The following RASGRF1 variants were observed in gnomAD, a reference collection of about 807,000 sequenced individuals.
The protein encoded by RASGRF1 is ras-specific guanine nucleotide-releasing factor 1.
Under a neutral mutation model 138.7 loss-of-function variants are expected in RASGRF1, and 40 were observed. The ratio of observed to expected loss-of-function variants is 0.29; its 90% CI spans 0.22 to 0.38. The LOEUF is 0.38. Ranked by LOEUF, RASGRF1 falls within the 10% of genes least tolerant of loss-of-function variation. The pLI is 1.00. For missense variants in RASGRF1, 1,108 were observed against 1,650.4 expected (o/e 0.67, Z 5.69); for synonymous variants, 614 against 663.2 (o/e 0.93, Z 1.14).
At chr15:79,080,425 G>A (rs976102238) in intron 1 of RASGRF1, among the ~76,000 whole-genome samples, 1 of 152,224 alleles carries the variant, frequency 6.6e-6, no homozygotes, top group Non-Finnish European at 1.5e-5. Context: ...AACACTACAT[G>A]TGAACAGGTT....
intron 10 of RASGRF1, among the ~76,000 whole-genome samples, chr15:79,021,044 A>G (rs2056953921): frequency 6.6e-6 from 1 of 152,208 alleles, no homozygotes; most frequent in African/African-American, 2.4e-5. Context: ...GCCAACAGCC[A>G]TGGAGGCATA....
chr15:78,968,163 C>T (rs1272631363), intron 26 of RASGRF1, among the ~76,000 whole-genome samples: 3 of 152,036 alleles, frequency 2.0e-5, no homozygotes, highest in South Asian at 2.1e-4. Flanking sequence ...GTAGCCTCCT[C>T]CCTCTGCCTC....
At chr15:79,043,505 A>C (rs948785684) in intron 5 of RASGRF1, among the ~76,000 whole-genome samples, 1 of 152,182 alleles carries the variant, frequency 6.6e-6, no homozygotes, top group Admixed American at 6.5e-5. Flanking sequence ...AGAGGCAGGT[A>C]CCATTCCTGG....
intron 1 of RASGRF1, among the ~76,000 whole-genome samples, chr15:79,064,917 T>C (rs563752039): frequency 3.9e-5 from 6 of 152,256 alleles, no homozygotes; most frequent in African/African-American, 1.4e-4. Flanking sequence ...TCCACAAAAA[T>C]GGAATAAGTG....
chr15:78,997,499 G>T (rs141372059), intron 19 of RASGRF1, among the ~76,000 whole-genome samples: 1 of 152,124 alleles, frequency 6.6e-6, no homozygotes, highest in African/African-American at 2.4e-5. Context: ...TTGGGAGGCC[G>T]AGGTGGGCAG....
rs560504119 is a variant in RASGRF1, at chr15:79,004,180, G to C, written c.2076-5C>G. 8.4e-6 allele frequency: 13 copies of C among 1,553,846 alleles called. No homozygotes were observed. Among genetic ancestry groups the C allele is most frequent in the East Asian group, 2.3e-5 (1 of 44,240 alleles). On this transcript the variant is annotated splice_polypyrimidine_tract_variant and splice_region_variant and intron_variant, in intron 14 of 26. Coordinates refer to ENST00000558480, the MANE Select transcript of RASGRF1 (RefSeq NM_001145648.3). ...GCAAACAGGAGCTCCAGCGACCTGT[G>C]GGGAGGGCGGGGGTGAAAATGACAG... is the stretch of plus-strand genomic sequence containing the variant.
At chr15:78,978,215 C>CTTTTCTTTTCTTTTTTTTTT (rs2055915117) in intron 24 of RASGRF1, among the ~76,000 whole-genome samples, 4 of 79,344 alleles carry the variant, frequency 5.0e-5, no homozygotes, top group African/African-American at 1.0e-4. Context: ...TTTTTCTTTT[C>CTTTTCTTTTCTTTTTTTTTT]TTTTGTTTTT....
chr15:79,051,445 G>C (rs116119871), intron 3 of RASGRF1, among the ~76,000 whole-genome samples: 2,155 of 149,722 alleles, frequency 0.014, 61 homozygotes, highest in African/African-American at 0.051. Context: ...ACTCTAAAGG[G>C]CTAAGGAACA....
intron 24 of RASGRF1, among the ~76,000 whole-genome samples, chr15:78,977,713 A>C (rs1394908605): frequency 6.6e-6 from 1 of 152,232 alleles, no homozygotes; most frequent in Admixed American, 6.5e-5. Flanking sequence ...AAAGGCTTTC[A>C]CTGCAGCAGC....
intron 3 of RASGRF1, among the ~76,000 whole-genome samples, chr15:79,054,931 A>G (rs2057490324): frequency 6.6e-6 from 1 of 152,152 alleles, no homozygotes; most frequent in African/African-American, 2.4e-5. Context: ...AATATGTGGG[A>G]TGGGGCCTGA....
intron 1 of RASGRF1, among the ~76,000 whole-genome samples, chr15:79,078,603 C>T (rs925849578): frequency 2.6e-5 from 4 of 152,194 alleles, no homozygotes; most frequent in Non-Finnish European, 4.4e-5. Context: ...AAGAACTCAT[C>T]CACCCTGACT....
In RASGRF1 at chr15:78,998,816, G is replaced by A. The variant is rs2056451473; in HGVS notation, c.2756C>T (p.Pro919Leu). Residue 919 changes from proline (P) to leucine (L), a missense_variant, in exon 18 of 27, where the codon CCA becomes CTA. By Grantham distance (98) the Pro-to-Leu change is moderately conservative. This residue lies in a region of RASGRF1 where 686 missense variants were observed against 976.7 expected (regional missense o/e 0.70). Coordinates refer to ENST00000558480, the MANE Select transcript of RASGRF1 (RefSeq NM_001145648.3). ...RMSLASAGFP[P>L]DQRNGDKEFV... is the part of the protein sequence containing the mutation. The stretch of plus-strand genomic sequence containing the variant: ...CTCCTTGTCTCCATTCCTCTGGTCT[G>A]GGGGAAACCCTGGCAGCATGCGTGG... 6.2e-7 allele frequency: 1 copy of A among 1,613,310 alleles called. No homozygotes were observed. The highest frequency in any genetic ancestry group is 1.3e-5 in the African/African-American group (1 of 74,926).
rs1159697656 is a variant in RASGRF1, at chr15:79,027,421, T to C, written c.1381+320A>G. The stretch of plus-strand genomic sequence containing the variant: ...TGTTAGCTCCTCATCCCCCGCCCCA[T>C]ACTTTCTCCCCAAAAAGGACATGTC... On this transcript the variant is annotated intron_variant, in intron 9 of 26. Transcript: ENST00000558480. The surrounding 1 kb of genome is among the most constrained non-coding windows in gnomAD (Gnocchi z 4.8). Among the ~76,000 whole-genome samples the C allele has an allele frequency of 6.6e-6, 1 of 152,136 alleles. No individual in the cohort carries two copies.
intron 1 of RASGRF1, among the ~76,000 whole-genome samples, chr15:79,074,706 C>G (rs1194955083): frequency 6.6e-6 from 1 of 152,210 alleles, no homozygotes; most frequent in Non-Finnish European, 1.5e-5. Flanking sequence ...AGACCACAGC[C>G]TCATTCAGGG....
chr15:78,998,814 C>A lies in RASGRF1; in HGVS notation c.2758G>T (p.Asp920Tyr). Reference protein sequence around the residue: ...MSLASAGFPPDQRNGDKEFVI... With the variant: ...MSLASAGFPPYQRNGDKEFVI... ...AACTCCTTGTCTCCATTCCTCTGGT[C>A]TGGGGGAAACCCTGGCAGCATGCGT... The change falls in exon 18 of 27, where the codon GAC (aspartate) becomes TAC (tyrosine). Residue 920 changes from aspartate (D) to tyrosine (Y), a missense_variant. Physicochemically the swap from Asp to Tyr is radical, Grantham distance 160. Transcript: ENST00000558480. 2 of 1,613,594 alleles carry A rather than the reference C, an allele frequency of 1.2e-6. No individual in the cohort carries two copies. The highest frequency in any genetic ancestry group is 8.5e-7 in the Non-Finnish European group (1 of 1,179,566).
At chr15:79,055,589 C>G (rs892406977) in intron 3 of RASGRF1, among the ~76,000 whole-genome samples, 12 of 151,304 alleles carry the variant, frequency 7.9e-5, no homozygotes, top group African/African-American at 3.0e-4. Flanking sequence ...CACACACACA[C>G]ACACTCTCTC....
Position 79,046,609 on chromosome 15 carries a change from T to G in RASGRF1, c.878+137A>C. On this transcript the variant is annotated intron_variant, in intron 5 of 26. Coordinates refer to ENST00000558480, the MANE Select transcript of RASGRF1 (RefSeq NM_001145648.3). The surrounding 1 kb of genome is among the most constrained non-coding windows in gnomAD (Gnocchi z 5.3). ...TTGGGGTTGGTGGTTTCTAGCCACG[T>G]GATCTTGGGCACTTCTGTCCTCTCT... The G allele has an allele frequency of 4.6e-5, 65 of 1,403,818 alleles. No individual in the cohort carries two copies. The highest frequency in any genetic ancestry group is 6.0e-5 in the Non-Finnish European group (62 of 1,027,936). 87.0% of individuals were successfully genotyped at this position (1,403,818 alleles called of 1,614,324 possible).
At chr15:79,012,458 A>T (rs369279847) in intron 13 of RASGRF1, 175 of 1,425,628 alleles carry the variant, frequency 1.2e-4, no homozygotes, top group African/African-American at 1.0e-3. Context: ...CTCTCACTAA[A>T]CGATGAATTT....
chr15:79,042,392 G>A lies in RASGRF1; in HGVS notation c.878+4354C>T, dbSNP rs538175531. Among the ~76,000 whole-genome samples, 8 of 152,342 alleles carry A rather than the reference G, an allele frequency of 5.3e-5. No individual in the cohort carries two copies. The South Asian group carries it at 1.4e-3, about 28-fold the overall frequency. ...TGGCTTATGACACACAGACCTCTGT[G>A]CTGTGGTCTGAGGCAGGGAGAGCAG... On this transcript the variant is annotated intron_variant, in intron 5 of 26. Coordinates refer to ENST00000558480, the MANE Select transcript of RASGRF1 (RefSeq NM_001145648.3).
Sources: gnomAD v4.1 joint callset for allele counts (sites outside exome capture counted in the v4.1 genomes callset) on GRCh38, gnomAD v4.1.1 for gene constraint, gnomAD v4.1.1 regional missense constraint, Gnocchi (gnomAD v3.1) non-coding constraint, MANE v1.5 for transcripts, NCBI Gene and HGNC (gene_info 2026-07-23, HGNC 2026-07-21) for gene names.